CDH4: variants seen among roughly 807,000 people sequenced by gnomAD.
CDH4 encodes cadherin-4.
A neutral mutation model predicts 86.0 loss-of-function variants in CDH4; 33 were observed. The observed-to-expected ratio is 0.38, with a 90% CI of 0.29 to 0.51. The LOEUF (loss-of-function observed/expected upper bound fraction) is 0.51. Among genes scored for constraint, CDH4 ranks in the 20% least tolerant of loss-of-function variants. CDH4 has a pLI of 0.86. For synonymous variants in CDH4, 555 were observed against 549.4 expected, an observed-to-expected ratio of 1.01 and a Z score of -0.14; for missense variants, 1,114 against 1,307.4, an observed-to-expected ratio of 0.85 and a Z score of 2.28.
At chr20:61,426,197 C>T (rs752745478) in intron 2 of CDH4, among the ~76,000 whole-genome samples, 50 of 152,248 alleles carry the variant, frequency 3.3e-4, no homozygotes, top group Non-Finnish European at 6.0e-4. Context: ...GTTTCTTTTT[C>T]ATCTGAGAGT....
intron 2 of CDH4, among the ~76,000 whole-genome samples, chr20:61,264,305 T>C (rs13041184): frequency 3.3e-5 from 5 of 149,956 alleles, no homozygotes; most frequent in Admixed American, 1.3e-4. Context: ...ACCTCAGTGG[T>C]TCCTTCATTC....
intron 2 of CDH4, among the ~76,000 whole-genome samples, chr20:61,540,156 T>C (rs1277426807): frequency 6.6e-6 from 1 of 152,142 alleles, no homozygotes; most frequent in Non-Finnish European, 1.5e-5. Flanking sequence ...TGGCACCACA[T>C]GGACACTCGA....
At chr20:61,462,112 G>A (rs960856538) in intron 2 of CDH4, among the ~76,000 whole-genome samples, 2 of 152,232 alleles carry the variant, frequency 1.3e-5, no homozygotes, top group Non-Finnish European at 1.5e-5. Context: ...ATTAACCCAG[G>A]ACTGGAAGCA....
intron 2 of CDH4, among the ~76,000 whole-genome samples, chr20:61,564,459 G>C (rs955112909): frequency 7.9e-5 from 12 of 152,016 alleles, no homozygotes; most frequent in Admixed American, 7.9e-4. Flanking sequence ...GTGAGTTCTC[G>C]CTCTGAGCTC....
At chr20:61,832,441 A>G (rs1428933646) in intron 4 of CDH4, among the ~76,000 whole-genome samples, 1 of 152,220 alleles carries the variant, frequency 6.6e-6, no homozygotes, top group Non-Finnish European at 1.5e-5. Context: ...GTTCATTTTC[A>G]CACTGCTGTA....
intron 2 of CDH4, among the ~76,000 whole-genome samples, chr20:61,617,535 G>T (rs1411889119): frequency 1.3e-5 from 2 of 152,224 alleles, no homozygotes; most frequent in Non-Finnish European, 2.9e-5. Flanking sequence ...CTTGCAAAAG[G>T]AGAAAATGCA....
At chr20:61,697,091 A>G (rs2087722287) in intron 2 of CDH4, among the ~76,000 whole-genome samples, 1 of 152,210 alleles carries the variant, frequency 6.6e-6, no homozygotes, top group African/African-American at 2.4e-5. Flanking sequence ...GACTTCTGAA[A>G]TCAAGAATGT....
At chr20:61,520,698 G>A (rs576791739) in intron 2 of CDH4, among the ~76,000 whole-genome samples, 4 of 151,472 alleles carry the variant, frequency 2.6e-5, no homozygotes, top group Non-Finnish European at 4.4e-5. Context: ...TCTGAGCATC[G>A]GGAGGGAAGC....
Position 61,544,150 on chromosome 20 carries a change from A to G in CDH4, c.170-199413A>G, listed in dbSNP as rs1234650791. The stretch of plus-strand genomic sequence containing the variant: ...CACTGTGTGGTCCGGTCCCACGGCC[A>G]TGTGGTCTCTTTAGATCTGCGGTTC... On this transcript the variant is annotated intron_variant, in intron 2 of 15. Transcript: ENST00000614565. The surrounding 1 kb of genome is among the most constrained non-coding windows in gnomAD (Gnocchi z 6.5). Among the ~76,000 whole-genome samples the G allele has an allele frequency of 4.6e-5, 7 of 152,148 alleles. No homozygotes were observed. Among genetic ancestry groups the G allele is most frequent in the African/African-American group, 1.4e-4 (6 of 41,438 alleles).
intron 4 of CDH4, among the ~76,000 whole-genome samples, chr20:61,781,041 C>T (rs761584163): frequency 2.0e-5 from 3 of 152,110 alleles, no homozygotes; most frequent in African/African-American, 7.2e-5. Flanking sequence ...AGAGAGGCAC[C>T]GAAGGACCCA....
chr20:61,419,998 A>C (rs537408550), intron 2 of CDH4, among the ~76,000 whole-genome samples: 11 of 152,368 alleles, frequency 7.2e-5, no homozygotes, highest in Non-Finnish European at 1.5e-5. Context: ...AAGCCTGTGC[A>C]TTCTCATTGA....
intron 11 of CDH4, among the ~76,000 whole-genome samples, chr20:61,926,484 C>T (rs537644489): frequency 6.6e-6 from 1 of 152,320 alleles, no homozygotes; most frequent in African/African-American, 2.4e-5. Context: ...TGCAGCTGTG[C>T]AGCTGCCTGT....
At chr20:61,271,529 G>A (rs2084182790) in intron 2 of CDH4, among the ~76,000 whole-genome samples, 2 of 152,202 alleles carry the variant, frequency 1.3e-5, no homozygotes, top group African/African-American at 4.8e-5. Flanking sequence ...CCTGTGGGCT[G>A]GCACGGAGCC....
At chr20:61,547,513 C>A (rs537040916) in intron 2 of CDH4, among the ~76,000 whole-genome samples, 56 of 151,680 alleles carry the variant, frequency 3.7e-4, no homozygotes, top group Non-Finnish European at 6.6e-4. Flanking sequence ...CGTGCCCAGC[C>A]CAGAGTACTT....
At chr20:61,257,427 A>T (rs188286719) in intron 2 of CDH4, among the ~76,000 whole-genome samples, 1 of 152,382 alleles carries the variant, frequency 6.6e-6, no homozygotes, top group Admixed American at 6.5e-5. Context: ...TAGGGTAGCA[A>T]ATACTATGTA....
At chr20:61,778,870 G>A (rs959711947) in intron 4 of CDH4, among the ~76,000 whole-genome samples, 3 of 152,224 alleles carry the variant, frequency 2.0e-5, no homozygotes, top group African/African-American at 7.2e-5. Flanking sequence ...TTCTGGCTCT[G>A]GACTGGACAG....
chr20:61,433,004 A>G lies in CDH4; in HGVS notation c.169+178067A>G, dbSNP rs183648533. 1.9e-3 allele frequency among the ~76,000 whole-genome samples: 283 copies of G among 151,560 alleles called. 1 individual carries two copies. Among genetic ancestry groups the G allele is most frequent in the African/African-American group, 6.5e-3 (270 of 41,310 alleles). The stretch of plus-strand genomic sequence containing the variant: ...CAGGCACGTGCCACCACGCCTGGCT[A>G]ATTTTTGTATTTTCAGTAGAGATGG... On this transcript the variant is annotated intron_variant, in intron 2 of 15. Transcript: ENST00000614565.
chr20:61,268,261 G>C (rs1041168268), intron 2 of CDH4, among the ~76,000 whole-genome samples: 3 of 152,218 alleles, frequency 2.0e-5, no homozygotes, highest in Non-Finnish European at 4.4e-5. Context: ...CCGAGGAGGG[G>C]CTCCAGGCCG....
chr20:61,795,101 G>GGAAATGGTGATGGTGATGATGATGGTA (rs1979460276), intron 4 of CDH4, among the ~76,000 whole-genome samples: 3 of 148,068 alleles, frequency 2.0e-5, no homozygotes, highest in African/African-American at 5.0e-5. Flanking sequence ...TGGTAATGAT[G>GGAAATGGTGATGGTGATGATGATGGTA]GTGATGATGG....
Sources: allele counts gnomAD v4.1 joint callset (sites outside exome capture counted in the v4.1 genomes callset), GRCh38; gene constraint gnomAD v4.1.1; non-coding constraint Gnocchi (gnomAD v3.1); transcripts MANE v1.5; gene names NCBI Gene and HGNC (gene_info 2026-07-23, HGNC 2026-07-21).